PRELID2: variants seen among roughly 807,000 people sequenced by gnomAD.
The protein encoded by PRELID2 is PRELI domain containing 2.
A neutral mutation model predicts 28.4 loss-of-function variants in PRELID2; 25 were observed. That is an observed-to-expected ratio of 0.88 (90% CI 0.64 to 1.23). The LOEUF is 1.23. Ranked by LOEUF, PRELID2 falls within the 50% of genes most tolerant of loss-of-function variation. The pLI is 0.00. For missense variants in PRELID2, 201 were observed against 214.4 expected (o/e 0.94, Z 0.39); for synonymous variants, 76 against 71.6 (o/e 1.06, Z -0.31).
At chr5:145,313,140 A>G in the PRELID2 span, among the ~76,000 whole-genome samples, 1 of 152,332 alleles carries the variant, frequency 6.6e-6, no homozygotes, top group African/African-American at 2.4e-5. Flanking sequence ...ATAGAACTGG[A>G]CTTTAGATAG....
At chr5:145,524,462 G>A (rs528648517) in intron 1 of PRELID2, among the ~76,000 whole-genome samples, 1 of 152,300 alleles carries the variant, frequency 6.6e-6, no homozygotes, top group Admixed American at 6.5e-5. Context: ...TTAAGCTAAA[G>A]AGTGAAACTA....
the PRELID2 span, among the ~76,000 whole-genome samples, chr5:145,375,404 T>A: frequency 1.3e-5 from 2 of 152,136 alleles, no homozygotes; most frequent in Admixed American, 6.6e-5. Flanking sequence ...AGTAGAATCA[T>A]TCCTGTATAG....
intron 1 of PRELID2, among the ~76,000 whole-genome samples, chr5:145,647,412 T>G (rs1000903072): frequency 6.6e-6 from 1 of 152,142 alleles, no homozygotes; most frequent in African/African-American, 2.4e-5. Flanking sequence ...ACTGCTGCTG[T>G]GCTGGTAGTG....
chr5:145,830,004 AT>A (rs1755476894), intron 1 of PRELID2, among the ~76,000 whole-genome samples: 1 of 152,208 alleles, frequency 6.6e-6, no homozygotes, highest in South Asian at 2.1e-4. Flanking sequence ...AAGCAAAGAA[AT>A]TATCAATATT....
intron 4 of PRELID2, among the ~76,000 whole-genome samples, chr5:145,815,274 G>A (rs1279153191): frequency 1.3e-5 from 2 of 152,280 alleles, no homozygotes; most frequent in East Asian, 3.9e-4. Context: ...CAGCCTCCAG[G>A]TCTGTGAGAA....
chr5:145,630,445 TA>T (rs1456592701), intron 1 of PRELID2, among the ~76,000 whole-genome samples: 3 of 152,314 alleles, frequency 2.0e-5, no homozygotes, highest in Admixed American at 1.3e-4. Context: ...ATTTGGTACA[TA>T]AAAGGACAAG....
chr5:145,682,475 G>A (rs1754956105), intron 1 of PRELID2, among the ~76,000 whole-genome samples: 1 of 152,108 alleles, frequency 6.6e-6, no homozygotes, highest in East Asian at 1.9e-4. Flanking sequence ...ATTTTTTGTA[G>A]GCTCCATTAT....
chr5:145,574,444 C>A (rs1282186493), intron 1 of PRELID2, among the ~76,000 whole-genome samples: 4 of 152,202 alleles, frequency 2.6e-5, no homozygotes, highest in Non-Finnish European at 5.9e-5. Flanking sequence ...AAAACTAATA[C>A]ACCCTCCAAA....
chr5:145,463,991 T>G, the PRELID2 span, among the ~76,000 whole-genome samples: 3 of 152,196 alleles, frequency 2.0e-5, no homozygotes, highest in Non-Finnish European at 4.4e-5. Context: ...ATGGGTAGAA[T>G]TCTACCTTTT....
At chr5:145,633,140 G>A (rs1753953751) in intron 1 of PRELID2, among the ~76,000 whole-genome samples, 1 of 152,216 alleles carries the variant, frequency 6.6e-6, no homozygotes, top group Non-Finnish European at 1.5e-5. Flanking sequence ...TGAGGACACA[G>A]CTGACTAAGA....
chr5:145,421,974 C>T, the PRELID2 span, among the ~76,000 whole-genome samples: 114 of 151,836 alleles, frequency 7.5e-4, no homozygotes, highest in South Asian at 1.7e-3. Context: ...TTATTTCTGC[C>T]TTCACTTCGT....
At chr5:145,552,229 G>A (rs1490974179) in intron 1 of PRELID2, among the ~76,000 whole-genome samples, 2 of 152,032 alleles carry the variant, frequency 1.3e-5, no homozygotes, top group Admixed American at 6.6e-5. Flanking sequence ...GATCATTCAT[G>A]AGTCATTTTA....
chr5:145,356,634 G>A, the PRELID2 span, among the ~76,000 whole-genome samples: 12 of 151,032 alleles, frequency 7.9e-5, no homozygotes, highest in East Asian at 3.9e-4. Flanking sequence ...ATTTTTCTCC[G>A]TTCCCTTACT....
chr5:145,569,998 G>T (rs987433456), intron 1 of PRELID2, among the ~76,000 whole-genome samples: 4 of 152,132 alleles, frequency 2.6e-5, no homozygotes, highest in African/African-American at 2.4e-5. Context: ...TGGCCAGGTG[G>T]ATTCCTTCAG....
chr5:145,257,970 A>C, the PRELID2 span, among the ~76,000 whole-genome samples: 1 of 152,102 alleles, frequency 6.6e-6, no homozygotes, highest in Non-Finnish European at 1.5e-5. Context: ...AGTTCTCATG[A>C]GATCTGGTTG....
At chr5:145,428,348 G>T in the PRELID2 span, among the ~76,000 whole-genome samples, 25 of 152,202 alleles carry the variant, frequency 1.6e-4, no homozygotes, top group African/African-American at 5.8e-4. Context: ...CTCACCCATT[G>T]TAAGAATCTC....
the PRELID2 span, chr5:145,230,121 T>C: frequency 3.6e-6 from 2 of 548,508 alleles, no homozygotes; most frequent in Non-Finnish European, 3.4e-6. Context: ...GTGCTAATTG[T>C]TGTGATAATT....
intron 1 of PRELID2, among the ~76,000 whole-genome samples, chr5:145,652,915 G>A (rs575006422): frequency 3.3e-5 from 5 of 152,092 alleles, no homozygotes; most frequent in African/African-American, 9.7e-5. Context: ...AACATTAAAC[G>A]TAAATGGGCT....
the PRELID2 span, among the ~76,000 whole-genome samples, chr5:145,311,027 T>C: frequency 4.2e-3 from 636 of 152,318 alleles, 2 homozygotes; most frequent in African/African-American, 0.015. Context: ...TCATGTATGA[T>C]TGGCAACAAT....
Sources: allele counts gnomAD v4.1 joint callset (sites outside exome capture counted in the v4.1 genomes callset), GRCh38; gene constraint gnomAD v4.1.1; transcripts MANE v1.5; gene names NCBI Gene and HGNC (gene_info 2026-07-23, HGNC 2026-07-21).